The following ZHX2 variants were observed in gnomAD, a reference collection of about 807,000 sequenced individuals.
The protein encoded by ZHX2 is zinc fingers and homeoboxes protein 2.
Under a neutral mutation model 21.9 loss-of-function variants are expected in ZHX2, and 6 were observed. That is an observed-to-expected ratio of 0.27 (90% CI 0.15 to 0.54). ZHX2 has a LOEUF of 0.54. Among genes scored for constraint, ZHX2 ranks in the 20% least tolerant of loss-of-function variants. The pLI is 0.95. For missense variants in ZHX2, 908 were observed against 1,090.7 expected (o/e 0.83, Z 2.36); for synonymous variants, 434 against 437.1 (o/e 0.99, Z 0.09).
At chr8:122,892,730 G>A (rs1820011868) in intron 2 of ZHX2, among the ~76,000 whole-genome samples, 1 of 152,036 alleles carries the variant, frequency 6.6e-6, no homozygotes, top group Non-Finnish European at 1.5e-5. Context: ...TGTCGCCTGG[G>A]CTGGAGTGCA....
At chr8:122,846,368 T>G (rs1194715966) in intron 1 of ZHX2, among the ~76,000 whole-genome samples, 1 of 152,198 alleles carries the variant, frequency 6.6e-6, no homozygotes, top group East Asian at 1.9e-4. Context: ...GGGCATTGAC[T>G]AAATGCTTTC....
At chr8:122,908,545 T>C (rs866294634) in intron 2 of ZHX2, among the ~76,000 whole-genome samples, 1 of 152,064 alleles carries the variant, frequency 6.6e-6, no homozygotes, top group African/African-American at 2.4e-5. Flanking sequence ...CGGTGGTGGT[T>C]GATCATCAAG....
chr8:122,808,191 G>A (rs1233286755), intron 1 of ZHX2, among the ~76,000 whole-genome samples: 1 of 152,164 alleles, frequency 6.6e-6, no homozygotes, highest in Non-Finnish European at 1.5e-5. Flanking sequence ...GTGAGCACCA[G>A]ATTTATATAT....
intron 2 of ZHX2, among the ~76,000 whole-genome samples, chr8:122,875,313 G>C (rs1422547933): frequency 2.0e-5 from 3 of 151,496 alleles, no homozygotes; most frequent in Non-Finnish European, 4.4e-5. Context: ...TATTTTTAAA[G>C]GGTTGTAAAA....
At chr8:122,876,404 AAT>A (rs1819573624) in intron 2 of ZHX2, among the ~76,000 whole-genome samples, 2 of 152,262 alleles carry the variant, frequency 1.3e-5, no homozygotes, top group South Asian at 4.1e-4. Context: ...ACAGCTCCTT[AAT>A]ATTAAATGAA....
intron 2 of ZHX2, among the ~76,000 whole-genome samples, chr8:122,931,404 A>AAG (rs374050977): frequency 2.6e-5 from 4 of 151,544 alleles, no homozygotes; most frequent in Non-Finnish European, 5.9e-5. Context: ...GGACGGAAAG[A>AAG]AGAGAGAGAG....
chr8:122,944,833 T>C (rs909963241), intron 2 of ZHX2, among the ~76,000 whole-genome samples: 2 of 152,198 alleles, frequency 1.3e-5, no homozygotes, highest in African/African-American at 4.8e-5. Context: ...CCTAACCCCC[T>C]ATGCCTCCGA....
At chr8:122,914,016 C>T (rs1820540397) in intron 2 of ZHX2, among the ~76,000 whole-genome samples, 1 of 152,194 alleles carries the variant, frequency 6.6e-6, no homozygotes, top group Non-Finnish European at 1.5e-5. Context: ...TTTTCCACTC[C>T]CTTTGTTCAC....
intron 1 of ZHX2, among the ~76,000 whole-genome samples, chr8:122,811,365 A>T (rs1013681299): frequency 2.6e-5 from 4 of 152,250 alleles, no homozygotes; most frequent in African/African-American, 7.2e-5. Context: ...TGGGTGACAG[A>T]GCGAGACCCT....
At chr8:122,796,747 T>C (rs1467054244) in intron 1 of ZHX2, among the ~76,000 whole-genome samples, 1 of 152,220 alleles carries the variant, frequency 6.6e-6, no homozygotes, top group Non-Finnish European at 1.5e-5. Flanking sequence ...AGGTGGTGGC[T>C]TAGGGACCTT....
At chr8:122,961,744 C>G (rs1813454700) in intron 3 of ZHX2, among the ~76,000 whole-genome samples, 2 of 152,146 alleles carry the variant, frequency 1.3e-5, no homozygotes, top group Non-Finnish European at 2.9e-5. Context: ...CCCCATGATT[C>G]AATTACCTCC....
intron 2 of ZHX2, among the ~76,000 whole-genome samples, chr8:122,926,137 C>T (rs889633118): frequency 7.9e-5 from 12 of 152,196 alleles, no homozygotes; most frequent in Non-Finnish European, 1.6e-4. Context: ...AGCTGGGCTG[C>T]TCCCTGGAAC....
At position 122,952,928 on chromosome 8, in the gene ZHX2, T is replaced by G. The variant is rs1200814745; in HGVS notation, c.1418T>G (p.Ile473Ser). The change falls in exon 3 of 4, where the codon ATC becomes AGC. Residue 473 changes from isoleucine to serine, a missense_variant. Around this residue, in one of 4 missense-constraint regions of ZHX2, gnomAD observed 232 missense variants for 361.8 expected, o/e 0.64. Coordinates refer to ENST00000314393, the MANE Select transcript of ZHX2 (RefSeq NM_014943.5). The surrounding 1 kb of genome is among the most constrained non-coding windows in gnomAD (Gnocchi z 6.9). ...FPDDAEVYRL[I>S]EVTGLARSEI... is the part of the protein sequence containing the mutation. ...GACGATGCCGAGGTTTACCGGCTCA[T>G]CGAGGTGACTGGCCTTGCCAGGAGC... 6.2e-7 allele frequency: 1 copy of G among 1,614,076 alleles called. No individual in the cohort carries two copies. Among genetic ancestry groups the G allele is most frequent in the South Asian group, 1.1e-5 (1 of 91,076 alleles).
At chr8:122,962,026 G>T (rs1473531188) in intron 3 of ZHX2, among the ~76,000 whole-genome samples, 2 of 152,128 alleles carry the variant, frequency 1.3e-5, no homozygotes, top group Admixed American at 6.5e-5. Flanking sequence ...TGGGCTGGGG[G>T]TGTCTGGGGC....
At chr8:122,857,166 A>G (rs191897192) in intron 1 of ZHX2, among the ~76,000 whole-genome samples, 44 of 152,262 alleles carry the variant, frequency 2.9e-4, no homozygotes, top group African/African-American at 1.0e-3. Context: ...ATCTTGCCAC[A>G]TTGCACAGTG....
At chr8:122,868,786 G>T (rs1039932823) in intron 2 of ZHX2, among the ~76,000 whole-genome samples, 35 of 151,714 alleles carry the variant, frequency 2.3e-4, no homozygotes, top group African/African-American at 7.5e-4. Context: ...CATGAGACAA[G>T]AAGATCAAGG....
At chr8:122,931,900 C>T (rs542591832) in intron 2 of ZHX2, among the ~76,000 whole-genome samples, 64 of 152,144 alleles carry the variant, frequency 4.2e-4, no homozygotes, top group Non-Finnish European at 7.6e-4. Flanking sequence ...TGCCTTGGAT[C>T]GGGGTGGTCA....
intron 3 of ZHX2, among the ~76,000 whole-genome samples, chr8:122,956,245 A>G (rs1813297935): frequency 6.6e-6 from 1 of 152,142 alleles, no homozygotes; most frequent in Admixed American, 6.5e-5. Context: ...AGTTCCATTC[A>G]ACAGTACCTT....
intron 1 of ZHX2, chr8:122,815,446 G>GA (rs1818011597): frequency 6.6e-6 from 1 of 152,460 alleles, no homozygotes; most frequent in Admixed American, 6.5e-5. Context: ...TATAGCAAGA[G>GA]AACTAGAATT....
Sources: gnomAD v4.1 joint callset for allele counts (sites outside exome capture counted in the v4.1 genomes callset) on GRCh38, gnomAD v4.1.1 for gene constraint, gnomAD v4.1.1 regional missense constraint, Gnocchi (gnomAD v3.1) non-coding constraint, MANE v1.5 for transcripts, NCBI Gene and HGNC (gene_info 2026-07-23, HGNC 2026-07-21) for gene names.